KCNK13: variants seen among roughly 807,000 people sequenced by gnomAD.
KCNK13 encodes potassium channel subfamily K member 13.
KCNK13 carries 12 observed loss-of-function variants against 23.4 expected under a neutral mutation model. That is an observed-to-expected ratio of 0.51 (90% CI 0.33 to 0.83). The LOEUF is 0.83. Ranked by LOEUF, KCNK13 falls within the 40% of genes least tolerant of loss-of-function variation. The pLI, the probability that KCNK13 is intolerant of heterozygous loss-of-function variation, is 0.02. For synonymous variants in KCNK13, 231 were observed against 229.5 expected, an observed-to-expected ratio of 1.01 and a Z score of -0.06; for missense variants, 463 against 556.3, an observed-to-expected ratio of 0.83 and a Z score of 1.69.
In KCNK13 at chr14:90,068,738, G is replaced by A. The variant is rs144416242; in HGVS notation, c.334+6199G>A. ...TGAGAAATCTGGAGTCTAGAGGGCCGTTCATGTTGTGATGTTTCTGACTAG... is the reference window on the plus strand; with the variant it reads ...TGAGAAATCTGGAGTCTAGAGGGCCATTCATGTTGTGATGTTTCTGACTAG... On this transcript the variant is annotated intron_variant, in intron 1 of 1. Transcript: ENST00000282146. Among the ~76,000 whole-genome samples the A allele has an allele frequency of 6.4e-3, 971 of 152,284 alleles. 15 individuals carry two copies. Among genetic ancestry groups the A allele is most frequent in the African/African-American group, 0.022 (915 of 41,542 alleles).
intron 1 of KCNK13, among the ~76,000 whole-genome samples, chr14:90,146,492 T>C (rs1283260341): frequency 6.6e-6 from 1 of 152,124 alleles, no homozygotes; most frequent in Non-Finnish European, 1.5e-5. Flanking sequence ...ATTTTTGTAT[T>C]TTTAGTAGAG....
At chr14:90,124,859 A>G (rs1421676057) in intron 1 of KCNK13, among the ~76,000 whole-genome samples, 1 of 152,330 alleles carries the variant, frequency 6.6e-6, no homozygotes, top group Middle Eastern at 3.4e-3. Flanking sequence ...CAATAAGAAG[A>G]CAATCTCTCT....
chr14:90,107,440 T>A (rs1889559231), intron 1 of KCNK13, among the ~76,000 whole-genome samples: 1 of 152,200 alleles, frequency 6.6e-6, no homozygotes, highest in South Asian at 2.1e-4. Flanking sequence ...ATGGCACCAC[T>A]GCCCTTCGGC....
intron 1 of KCNK13, among the ~76,000 whole-genome samples, chr14:90,089,142 T>TG (rs1889314903): frequency 6.6e-6 from 1 of 152,220 alleles, no homozygotes; most frequent in Admixed American, 6.5e-5. Context: ...AGGCAGAGAC[T>TG]GGAACAGTTT....
chr14:90,113,359 G>A (rs1474817444), intron 1 of KCNK13, among the ~76,000 whole-genome samples: 1 of 152,010 alleles, frequency 6.6e-6, no homozygotes, highest in Non-Finnish European at 1.5e-5. Flanking sequence ...GGTAAAATTC[G>A]GACGAAAATA....
intron 1 of KCNK13, among the ~76,000 whole-genome samples, chr14:90,170,570 G>T (rs2401871): frequency 0.24 from 36,548 of 152,082 alleles, 5,763 homozygotes; most frequent in East Asian, 0.65. Flanking sequence ...AGGGAGACAG[G>T]TCTATGCCTT....
chr14:90,111,972 T>A (rs372158117), intron 1 of KCNK13, among the ~76,000 whole-genome samples: 6 of 152,160 alleles, frequency 3.9e-5, no homozygotes, highest in African/African-American at 1.4e-4. Flanking sequence ...GATCCTAGGC[T>A]AGTCGTTCAG....
At chr14:90,127,148 G>C (rs1889810652) in intron 1 of KCNK13, among the ~76,000 whole-genome samples, 1 of 152,130 alleles carries the variant, frequency 6.6e-6, no homozygotes, top group Non-Finnish European at 1.5e-5. Flanking sequence ...GTTAATAACA[G>C]GGCAAACTGA....
chr14:90,076,170 C>T (rs1889132087), intron 1 of KCNK13, among the ~76,000 whole-genome samples: 1 of 152,234 alleles, frequency 6.6e-6, no homozygotes, highest in Non-Finnish European at 1.5e-5. Context: ...AAATGACAAG[C>T]ATATTGACTG....
chr14:90,165,733 C>T (rs147866715), intron 1 of KCNK13, among the ~76,000 whole-genome samples: 41 of 152,300 alleles, frequency 2.7e-4, no homozygotes, highest in South Asian at 2.1e-4. Flanking sequence ...AAGTAAATCA[C>T]ATTGTTTTTC....
At chr14:90,120,804 A>C (rs1270631133) in intron 1 of KCNK13, among the ~76,000 whole-genome samples, 1 of 152,180 alleles carries the variant, frequency 6.6e-6, no homozygotes, top group East Asian at 1.9e-4. Flanking sequence ...CCCTTTCAAC[A>C]GGCCCTCAAA....
intron 1 of KCNK13, among the ~76,000 whole-genome samples, chr14:90,178,574 G>A (rs1890450643): frequency 1.3e-5 from 2 of 152,072 alleles, no homozygotes; most frequent in Admixed American, 1.3e-4. Context: ...ACAGGCATGA[G>A]CCACCACACC....
chr14:90,147,317 A>G (rs1383543239), intron 1 of KCNK13, among the ~76,000 whole-genome samples: 1 of 152,104 alleles, frequency 6.6e-6, no homozygotes, highest in Admixed American at 6.5e-5. Context: ...CAGTGGCACA[A>G]TCATAGCTCA....
chr14:90,064,647 T>C (rs929937750), intron 1 of KCNK13, among the ~76,000 whole-genome samples: 4 of 152,164 alleles, frequency 2.6e-5, no homozygotes, highest in East Asian at 3.8e-4. Context: ...TGAATATTAG[T>C]CCTGCCCCCT....
In KCNK13 at chr14:90,141,164, G is replaced by A. The variant is rs150756700; in HGVS notation, c.335-42947G>A. 5.2e-3 allele frequency among the ~76,000 whole-genome samples: 799 copies of A among 152,314 alleles called. 3 individuals carry two copies. The highest frequency in any genetic ancestry group is 0.018 in the African/African-American group (754 of 41,568). On this transcript the variant is annotated intron_variant, in intron 1 of 1. Coordinates refer to ENST00000282146, the MANE Select transcript of KCNK13 (RefSeq NM_022054.4). ...CCTGTCCCTCAGGAAGTGACTCAAA[G>A]GTTGACTGCATTCCCAGGAGGGTTT...
chr14:90,136,109 T>C (rs528742339), intron 1 of KCNK13, among the ~76,000 whole-genome samples: 1 of 151,658 alleles, frequency 6.6e-6, no homozygotes, highest in African/African-American at 2.4e-5. Flanking sequence ...GAGATTGGGC[T>C]GGGAGTCATG....
intron 1 of KCNK13, among the ~76,000 whole-genome samples, chr14:90,106,407 T>C (rs535728685): frequency 3.0e-4 from 45 of 151,820 alleles, no homozygotes; most frequent in African/African-American, 1.1e-3. Context: ...AAACCCTGTC[T>C]CTACTAAAAA....
chr14:90,125,626 C>T (rs978006503), intron 1 of KCNK13, among the ~76,000 whole-genome samples: 1 of 8,486 alleles, frequency 1.2e-4, no homozygotes, highest in Non-Finnish European at 2.4e-4. Context: ...CACACACACA[C>T]GCGCACACAC....
rs183893138 is a variant in KCNK13, at chr14:90,120,900, A to T, written c.334+58361A>T. Among the ~76,000 whole-genome samples, 328 of 150,482 alleles carry T rather than the reference A, an allele frequency of 2.2e-3. 4 individuals are homozygous for T. The highest frequency in any genetic ancestry group is 7.3e-3 in the African/African-American group (304 of 41,386). On this transcript the variant is annotated intron_variant, in intron 1 of 1. Transcript: ENST00000282146. ...GCAAGTCCCTTCCGCCTATGAGCCC[A>T]TGAAATCAAAAGCAAGTTAGTTACT...
Sources: allele counts gnomAD v4.1 joint callset (sites outside exome capture counted in the v4.1 genomes callset), GRCh38; gene constraint gnomAD v4.1.1; transcripts MANE v1.5; gene names NCBI Gene and HGNC (gene_info 2026-07-23, HGNC 2026-07-21).